The following ENTREP2 variants were observed in gnomAD, a reference collection of about 807,000 sequenced individuals.
The protein encoded by ENTREP2 is endosomal transmembrane epsin interactor 2, also known as protein ENTREP2.
At chr15:29,284,617 A>G in the ENTREP2 span, among the ~76,000 whole-genome samples, 1 of 152,114 alleles carries the variant, frequency 6.6e-6, no homozygotes, top group Non-Finnish European at 1.5e-5. Flanking sequence ...CTCACCTGCA[A>G]TCATGGAAAG....
At chr15:29,629,274 T>G in the ENTREP2 span, among the ~76,000 whole-genome samples, 1 of 152,186 alleles carries the variant, frequency 6.6e-6, no homozygotes, top group African/African-American at 2.4e-5. Context: ...CTAATTATAT[T>G]TTACAGAGAT....
the ENTREP2 span, among the ~76,000 whole-genome samples, chr15:29,671,452 G>A: frequency 1.3e-5 from 2 of 152,122 alleles, no homozygotes; most frequent in Non-Finnish European, 2.9e-5. Context: ...GTGATCTTGT[G>A]GGACTGAGCC....
chr15:29,119,809 G>T, the ENTREP2 span, among the ~76,000 whole-genome samples: 3 of 152,218 alleles, frequency 2.0e-5, no homozygotes, highest in African/African-American at 7.2e-5. Flanking sequence ...GAGGGAACGG[G>T]ATTCCACTCA....
At chr15:29,148,647 G>T in the ENTREP2 span, among the ~76,000 whole-genome samples, 1 of 151,976 alleles carries the variant, frequency 6.6e-6, no homozygotes, top group East Asian at 1.9e-4. Flanking sequence ...GTCGATCCAC[G>T]GTTGGCTCAG....
the ENTREP2 span, among the ~76,000 whole-genome samples, chr15:29,138,675 CTGTG>C: frequency 6.9e-6 from 1 of 145,066 alleles, no homozygotes; most frequent in East Asian, 2.0e-4. Context: ...GTGTGTGTCT[CTGTG>C]TGTATGTGTA....
chr15:29,245,021 C>T, the ENTREP2 span, among the ~76,000 whole-genome samples: 1 of 152,126 alleles, frequency 6.6e-6, no homozygotes, highest in Non-Finnish European at 1.5e-5. Context: ...AAAAGCAAAA[C>T]AAGATGTACA....
chr15:29,141,856 C>A, the ENTREP2 span, among the ~76,000 whole-genome samples: 24 of 152,350 alleles, frequency 1.6e-4, 1 homozygote, highest in East Asian at 3.7e-3. Context: ...GCCCGCCCTG[C>A]GGCCCCCTGG....
At chr15:29,243,066 G>A in the ENTREP2 span, among the ~76,000 whole-genome samples, 1 of 152,234 alleles carries the variant, frequency 6.6e-6, no homozygotes, top group Non-Finnish European at 1.5e-5. Context: ...CGAGGATGCT[G>A]GACAGCGCTC....
the ENTREP2 span, among the ~76,000 whole-genome samples, chr15:29,298,288 G>A: frequency 6.6e-6 from 1 of 151,868 alleles, no homozygotes. Context: ...GAGAAGTAAA[G>A]CTGAAAATTA....
At chr15:29,539,135 C>T in the ENTREP2 span, among the ~76,000 whole-genome samples, 4 of 151,976 alleles carry the variant, frequency 2.6e-5, no homozygotes, top group African/African-American at 7.2e-5. Context: ...ACGCTGCACC[C>T]GACAGAGGTC....
the ENTREP2 span, among the ~76,000 whole-genome samples, chr15:29,600,898 C>CTTTTTTTTTTTTTTT: frequency 8.5e-4 from 107 of 125,354 alleles, 12 homozygotes; most frequent in East Asian, 1.8e-3. Context: ...TATGATTTTT[C>CTTTTTTTTTTTTTTT]TTTCTTTTTT....
At chr15:29,143,454 G>A in the ENTREP2 span, among the ~76,000 whole-genome samples, 1 of 152,220 alleles carries the variant, frequency 6.6e-6, no homozygotes, top group Non-Finnish European at 1.5e-5. Flanking sequence ...TGCCTTGGGG[G>A]CAAATTGGGA....
chr15:29,496,478 G>C, the ENTREP2 span, among the ~76,000 whole-genome samples: 1 of 152,052 alleles, frequency 6.6e-6, no homozygotes, highest in Non-Finnish European at 1.5e-5. Context: ...AGTGGTGAGA[G>C]TGGGCATCCT....
At chr15:29,177,825 G>T in the ENTREP2 span, among the ~76,000 whole-genome samples, 3 of 151,924 alleles carry the variant, frequency 2.0e-5, no homozygotes, top group African/African-American at 7.3e-5. Context: ...GAGTGCAGAG[G>T]TGGAGGGTAG....
chr15:29,628,345 T>C, the ENTREP2 span, among the ~76,000 whole-genome samples: 2 of 152,354 alleles, frequency 1.3e-5, no homozygotes, highest in South Asian at 4.1e-4. Context: ...CTATTGTTGT[T>C]GAGTTGTAGG....
the ENTREP2 span, among the ~76,000 whole-genome samples, chr15:29,612,094 T>C: frequency 6.6e-6 from 1 of 152,248 alleles, no homozygotes; most frequent in East Asian, 1.9e-4. Context: ...TGTGATGTTT[T>C]TCCTCCTTCG....
the ENTREP2 span, among the ~76,000 whole-genome samples, chr15:29,600,072 A>AG: frequency 6.6e-6 from 1 of 152,236 alleles, no homozygotes; most frequent in African/African-American, 2.4e-5. Context: ...AGTAAAGGTG[A>AG]GGGTAGCCTC....
chr15:29,229,015 G>A, the ENTREP2 span, among the ~76,000 whole-genome samples: 3,599 of 151,804 alleles, frequency 0.024, 143 homozygotes, highest in African/African-American at 0.082. Context: ...TAATACTTCC[G>A]AATAAAGAAA....
At chr15:29,644,838 GAAAGAAAAGAA>G in the ENTREP2 span, among the ~76,000 whole-genome samples, 1 of 148,398 alleles carries the variant, frequency 6.7e-6, no homozygotes, top group Non-Finnish European at 1.5e-5. Flanking sequence ...GAAAAAAAAA[GAAAGAAAAGAA>G]AAAGAAAAGT....
Sources: gnomAD v4.1 joint callset for allele counts (sites outside exome capture counted in the v4.1 genomes callset) on GRCh38, gnomAD v4.1.1 for gene constraint, MANE v1.5 for transcripts, NCBI Gene and HGNC (gene_info 2026-07-23, HGNC 2026-07-21) for gene names.